The following ARID4B variants were observed in gnomAD, a reference collection of about 807,000 sequenced individuals.
ARID4B encodes the protein AT-rich interactive domain-containing protein 4B.
In ARID4B, 26 loss-of-function variants were observed where a neutral mutation model predicts 147.5. The observed-to-expected ratio is 0.18, with a 90% CI of 0.13 to 0.24. The LOEUF is 0.24. Ranked by LOEUF, ARID4B falls within the 10% of genes least tolerant of loss-of-function variation. The pLI is 1.00. For synonymous variants in ARID4B, 512 were observed against 507.9 expected (o/e 1.01, Z -0.11); for missense variants, 1,179 against 1,511.5 (o/e 0.78, Z 3.65).
intron 5 of ARID4B, 79 bp from the exon 6 acceptor site, chr1:235,252,888 G>A (rs1669730964): frequency 2.6e-6 from 3 of 1,151,430 alleles, no homozygotes; most frequent in African/African-American, 1.6e-5. Context: ...ACAATTTTCT[G>A]AGTGCAAACA....
chr1:235,294,293 G>A (rs1311440778), intron 2 of ARID4B, among the ~76,000 whole-genome samples: 2 of 144,518 alleles, frequency 1.4e-5, no homozygotes, highest in Non-Finnish European at 3.0e-5. Context: ...GCAGAATAAT[G>A]ATATGCAAAC....
chr1:235,291,198 C>G (rs1403916631), intron 2 of ARID4B, among the ~76,000 whole-genome samples: 2 of 151,334 alleles, frequency 1.3e-5, no homozygotes, highest in African/African-American at 2.4e-5. Flanking sequence ...AGATCAAGAC[C>G]ACCCTGGCTA....
In ARID4B at chr1:235,322,484, G is replaced by C. The variant is rs185748788; in HGVS notation, c.6+4430C>G. On this transcript the variant is annotated intron_variant, in intron 2 of 23. Transcript: ENST00000264183. ...TTTTCCAGTACGTTATCCTCTATCT[G>C]AAAAACTTTTCTTCCCTTCTTTGCC... is the stretch of plus-strand genomic sequence containing the variant. Among the ~76,000 whole-genome samples the C allele has an allele frequency of 1.7e-3, 265 of 152,258 alleles. 1 individual carries two copies. The highest frequency in any genetic ancestry group is 2.3e-3 in the Non-Finnish European group (157 of 68,016).
At chr1:235,263,344 T>C (rs1036443936) in intron 2 of ARID4B, among the ~76,000 whole-genome samples, 4 of 152,274 alleles carry the variant, frequency 2.6e-5, no homozygotes, top group Middle Eastern at 3.4e-3. Flanking sequence ...AAAAATAGGG[T>C]ATAGAATACT....
At position 235,276,881 on chromosome 1, in the gene ARID4B, T is replaced by C. The variant is rs1165454904; in HGVS notation, c.7-16129A>G. 2.0e-5 allele frequency among the ~76,000 whole-genome samples: 3 copies of C among 151,230 alleles called. No individual in the cohort carries two copies. In the East Asian group the frequency reaches 5.8e-4, roughly 29 times the overall value. On this transcript the variant is annotated intron_variant, in intron 2 of 23. Transcript: ENST00000264183. ...TGGGAGTGGTAGCGGGTGCCTGTAA[T>C]CCCAGCTACTCGGGAGGCTGAGGCA... is the stretch of plus-strand genomic sequence containing the variant.
intron 2 of ARID4B, among the ~76,000 whole-genome samples, chr1:235,261,516 C>G (rs72756086): frequency 0.13 from 19,940 of 151,834 alleles, 1,505 homozygotes; most frequent in African/African-American, 0.2. Context: ...AGAGTAAGAC[C>G]CTGTCTCAAA....
chr1:235,214,298 C>T (rs979769576), intron 16 of ARID4B, among the ~76,000 whole-genome samples: 12 of 151,974 alleles, frequency 7.9e-5, no homozygotes, highest in Non-Finnish European at 7.4e-5. Flanking sequence ...GAATTTGTGC[C>T]GAACAGCAAG....
At chr1:235,225,470 A>G (rs1285650033) in intron 11 of ARID4B, among the ~76,000 whole-genome samples, 1 of 152,250 alleles carries the variant, frequency 6.6e-6, no homozygotes, top group Non-Finnish European at 1.5e-5. Context: ...GGAGCAGGGT[A>G]GTAGGTTAAG....
rs547354639 is a variant in ARID4B at position 235,315,186 on chromosome 1, G to C, written c.6+11728C>G. Among the ~76,000 whole-genome samples the C allele has an allele frequency of 1.1e-3, 172 of 152,278 alleles. 1 individual carries two copies. The highest frequency in any genetic ancestry group is 4.1e-3 in the African/African-American group (169 of 41,544). ...CATCTGTAATCCCAACATTTTGGGA[G>C]GCCAAGGTGGGAGGATCACCTGAGC... On this transcript the variant is annotated intron_variant, in intron 2 of 23. Transcript: ENST00000264183.
At chr1:235,198,935 A>G (rs1421407659) in intron 17 of ARID4B, among the ~76,000 whole-genome samples, 1 of 152,106 alleles carries the variant, frequency 6.6e-6, no homozygotes, top group African/African-American at 2.4e-5. Flanking sequence ...CCCTGTCTCT[A>G]CAAAAACACA....
In ARID4B at chr1:235,167,133, A is replaced by G. The variant is rs1437091481; in HGVS notation, c.*1392T>C. ...GTAAGCACACACTACAAGACTGAAA[A>G]TGCTTTTCTTAGAAAAGTTGAATGT... On this transcript the variant is annotated 3_prime_UTR_variant, in exon 24 of 24. Transcript: ENST00000264183. 5.1e-6 allele frequency: 1 copy of G among 195,826 alleles called. No individual in the cohort carries two copies. The allele number at this position is 195,826 out of a possible 1,614,324, so 12.1% of individuals were successfully genotyped here.
chr1:235,182,830 A>T, intron 19 of ARID4B, 37 bp from the exon 20 acceptor site: 2 of 1,542,494 alleles, frequency 1.3e-6, no homozygotes, highest in Non-Finnish European at 1.7e-6. Flanking sequence ...TGAGTATGAT[A>T]AGAACACTAG....
At position 235,166,906 on chromosome 1, in the gene ARID4B, C is replaced by G. The variant is rs1162205768; in HGVS notation, c.*1619G>C. The G allele has an allele frequency of 5.7e-6, 1 of 175,600 alleles. No individual in the cohort carries two copies. The highest frequency in any genetic ancestry group is 2.4e-5 in the African/African-American group (1 of 42,152). 10.9% of individuals were successfully genotyped at this position (175,600 alleles called of 1,614,324 possible). A position where few individuals can be genotyped will look rare whatever the true frequency, so the allele number is the denominator to read the frequency against. ...TTTAGAAACAAAAATCAAGGATTCA[C>G]AAACTATGGCATTTTATTTCAGAGC... On this transcript the variant is annotated 3_prime_UTR_variant, in exon 24 of 24. Coordinates refer to ENST00000264183, the MANE Select transcript of ARID4B (RefSeq NM_016374.6).
chr1:235,180,195 G>A (rs1284038990), intron 20 of ARID4B: 13 of 133,106 alleles, frequency 9.8e-5, no homozygotes, highest in Admixed American at 1.6e-4. Flanking sequence ...AGGCTGGAGT[G>A]CAGTGGCGTG....
At chr1:235,230,991 C>T in intron 10 of ARID4B, 122 bp downstream of exon 10, 5 of 653,098 alleles carry the variant, frequency 7.7e-6, no homozygotes, top group Non-Finnish European at 1.3e-5. Flanking sequence ...TCACAAGGAA[C>T]CAAATATAAC....
chr1:235,313,851 A>C (rs1225525050), intron 2 of ARID4B, among the ~76,000 whole-genome samples: 1 of 152,200 alleles, frequency 6.6e-6, no homozygotes, highest in Non-Finnish European at 1.5e-5. Flanking sequence ...ACCTTCTACT[A>C]AACATTCTGT....
Position 235,203,856 on chromosome 1 carries a change from A to G in ARID4B, c.1842-7741T>C, listed in dbSNP as rs545924436. On this transcript the variant is annotated intron_variant, in intron 17 of 23. Transcript: ENST00000264183. ...TTAATCATTATTAATTATAAACTTC[A>G]TAAGCAATTTTATCAATATTTACCT... Among the ~76,000 whole-genome samples, 214 of 152,332 alleles carry G rather than the reference A, an allele frequency of 1.4e-3. 2 individuals carry two copies. Among genetic ancestry groups the G allele is most frequent in the African/African-American group, 4.7e-3 (195 of 41,588 alleles).
At position 235,181,972 on chromosome 1, in the gene ARID4B, C is replaced by G; in HGVS notation, c.2947G>C (p.Glu983Gln). The change falls in exon 20 of 24, where the codon GAA (glutamate) becomes CAA (glutamine). Residue 983 changes from glutamate to glutamine, a missense_variant. By Grantham distance (29) the Glu-to-Gln change is conservative (BLOSUM62 2). Coordinates refer to ENST00000264183, the MANE Select transcript of ARID4B (RefSeq NM_016374.6). The part of the protein sequence containing the change: ...AEEESCSPSV[E>Q]LEKPPPVNVD... Reference sequence around the variant, plus strand: ...TTGACTGGAGGTGGTTTTTCTAGTTCTACACTGGGTGAACAACTCTCCTCT... The same window carrying G: ...TTGACTGGAGGTGGTTTTTCTAGTTGTACACTGGGTGAACAACTCTCCTCT... 1.2e-6 allele frequency: 2 copies of G among 1,614,116 alleles called. No individual in the cohort carries two copies. Among genetic ancestry groups the G allele is most frequent in the Non-Finnish European group, 8.5e-7 (1 of 1,180,028 alleles).
intron 17 of ARID4B, among the ~76,000 whole-genome samples, chr1:235,212,977 C>T (rs1486283853): frequency 1.3e-5 from 2 of 152,290 alleles, no homozygotes; most frequent in African/African-American, 4.8e-5. Context: ...TTATAGGCTA[C>T]ATTTCAAATA....
Sources: gnomAD v4.1 joint callset for allele counts (sites outside exome capture counted in the v4.1 genomes callset) on GRCh38, gnomAD v4.1.1 for gene constraint, MANE v1.5 for transcripts, NCBI Gene and HGNC (gene_info 2026-07-23, HGNC 2026-07-21) for gene names.